CPED1: variants seen among roughly 807,000 people sequenced by gnomAD.
The protein encoded by CPED1 is cadherin like and PC-esterase domain containing 1.
Under a neutral mutation model 128.2 loss-of-function variants are expected in CPED1, and 114 were observed. The ratio of observed to expected loss-of-function variants is 0.89; its 90% CI spans 0.76 to 1.04. CPED1 has a LOEUF of 1.04. Ranked by LOEUF, CPED1 falls within the 50% of genes least tolerant of loss-of-function variation. The probability of loss-of-function intolerance (pLI) is 0.00; values close to 1 mark genes in which losing one functional copy is unlikely to be tolerated. For missense variants in CPED1, 1,211 were observed against 1,207.1 expected (o/e 1.00, Z -0.05); for synonymous variants, 462 against 426.7 (o/e 1.08, Z -1.02).
At chr7:121,014,560 A>C (rs1275477454) in intron 2 of CPED1, among the ~76,000 whole-genome samples, 1 of 146,418 alleles carries the variant, frequency 6.8e-6, no homozygotes, top group Non-Finnish European at 1.5e-5. Context: ...AAAAAAAAAA[A>C]ATAATAATAA....
At chr7:121,134,603 CAA>C (rs537595024) in intron 13 of CPED1, among the ~76,000 whole-genome samples, 1 of 151,990 alleles carries the variant, frequency 6.6e-6, no homozygotes, top group South Asian at 2.1e-4. Context: ...GATCTCATCA[CAA>C]AGAAATGTTA....
chr7:121,122,952 T>G (rs895590945), intron 7 of CPED1, among the ~76,000 whole-genome samples: 2 of 152,240 alleles, frequency 1.3e-5, no homozygotes, highest in Admixed American at 1.3e-4. Context: ...TCAGGTAACA[T>G]TGAAATAGAA....
intron 3 of CPED1, among the ~76,000 whole-genome samples, chr7:121,028,935 C>T (rs1213435125): frequency 6.6e-6 from 1 of 152,068 alleles, no homozygotes; most frequent in African/African-American, 2.4e-5. Flanking sequence ...TTCTAGCTTG[C>T]TTTCTTAGCT....
At chr7:121,214,559 G>T (rs1009267194) in intron 16 of CPED1, among the ~76,000 whole-genome samples, 1 of 152,008 alleles carries the variant, frequency 6.6e-6, no homozygotes, top group African/African-American at 2.4e-5. Flanking sequence ...CTCCCAAAGT[G>T]CTGGGATTAC....
chr7:121,047,674 T>TTCTTCTTCC (rs1793237641), intron 4 of CPED1, among the ~76,000 whole-genome samples: 2 of 13,678 alleles, frequency 1.5e-4, no homozygotes, highest in Non-Finnish European at 1.9e-4. Flanking sequence ...CTTCTTCTTC[T>TTCTTCTTCC]TCTTCTTCTT....
chr7:121,127,191 T>C lies in CPED1; in HGVS notation c.1236T>C (p.Pro412=), dbSNP rs375487281. Reference sequence around the variant, plus strand: ...ATGACACTTTCAATTTTCTCTTCCCTAATGAATCATCACTTTCCATATTTT... The same window carrying C: ...ATGACACTTTCAATTTTCTCTTCCCCAATGAATCATCACTTTCCATATTTT... ...LLNDTFNFLF[P]NESSLSIFSE... Residue 412 remains proline, a synonymous_variant, in exon 10 of 23, where the codon CCT becomes CCC. Coordinates refer to ENST00000310396, the MANE Select transcript of CPED1 (RefSeq NM_024913.5). 2 of 1,594,158 alleles carry C rather than the reference T, an allele frequency of 1.3e-6. No homozygotes were observed. The highest frequency in any genetic ancestry group is 1.3e-5 in the African/African-American group (1 of 74,596).
At position 121,018,625 on chromosome 7, in the gene CPED1, G is replaced by A. The variant is rs377300080; in HGVS notation, c.433+2777G>A. ...TTGATAAAATGTATTTTTCATCCTA[G>A]GACAATAAATATAGAAGGTATTTTC... On this transcript the variant is annotated intron_variant, in intron 3 of 22. Coordinates refer to ENST00000310396, the MANE Select transcript of CPED1 (RefSeq NM_024913.5). 2.0e-5 allele frequency among the ~76,000 whole-genome samples: 3 copies of A among 152,060 alleles called. No individual in the cohort carries two copies. The East Asian group carries it at 5.8e-4, about 29-fold the overall frequency.
At position 121,251,332 on chromosome 7, in the gene CPED1, A is replaced by C. The variant is rs190999365; in HGVS notation, c.2310+6994A>C. Among the ~76,000 whole-genome samples the C allele has an allele frequency of 2.2e-3, 332 of 152,348 alleles. 3 individuals carry two copies. The highest frequency in any genetic ancestry group is 7.7e-3 in the African/African-American group (319 of 41,578). On this transcript the variant is annotated intron_variant, in intron 18 of 22. Coordinates refer to ENST00000310396, the MANE Select transcript of CPED1 (RefSeq NM_024913.5). ...GACGTATCTCAAAACAATAACAGCT[A>C]TCTATGACAAACCCACAGCCAATAT...
rs760375473 is a variant in CPED1, at chr7:121,236,777, A to C, written c.2119A>C (p.Ile707Leu). Residue 707 changes from isoleucine to leucine, a missense_variant, in exon 17 of 23, where the codon ATT becomes CTT. Coordinates refer to ENST00000310396, the MANE Select transcript of CPED1 (RefSeq NM_024913.5). ...CGLQPISSDY[I>L]EAILQSELKR... The stretch of plus-strand genomic sequence containing the variant: ...GTTACAGCCTATTTCTTCTGACTAC[A>C]TTGAAGCCATTTTACAGTCTGAACT... 6.2e-7 allele frequency: 1 copy of C among 1,610,182 alleles called. No homozygotes were observed. The highest frequency in any genetic ancestry group is 8.5e-7 in the Non-Finnish European group (1 of 1,178,388).
At chr7:121,052,643 G>A (rs1793388331) in intron 4 of CPED1, among the ~76,000 whole-genome samples, 1 of 152,128 alleles carries the variant, frequency 6.6e-6, no homozygotes, top group Admixed American at 6.5e-5. Context: ...GGTGAGAAGG[G>A]GGTTATGGGT....
chr7:121,140,069 A>G (rs1795866763), intron 14 of CPED1, among the ~76,000 whole-genome samples: 2 of 152,108 alleles, frequency 1.3e-5, no homozygotes. Flanking sequence ...ACTTAACAGT[A>G]GCTGGTGTAT....
intron 22 of CPED1, among the ~76,000 whole-genome samples, chr7:121,292,553 C>T (rs1370239813): frequency 1.3e-5 from 2 of 152,012 alleles, no homozygotes; most frequent in African/African-American, 4.8e-5. Context: ...CAGTTTTGTT[C>T]CCTTGCTGGC....
At chr7:121,267,728 A>G (rs1792158011) in intron 21 of CPED1, among the ~76,000 whole-genome samples, 1 of 152,032 alleles carries the variant, frequency 6.6e-6, no homozygotes, top group South Asian at 2.1e-4. Flanking sequence ...TAGAAGTCTC[A>G]GAAAAGAAAA....
chr7:121,025,016 G>A (rs1585024508), intron 3 of CPED1, among the ~76,000 whole-genome samples: 1 of 152,212 alleles, frequency 6.6e-6, no homozygotes, highest in East Asian at 1.9e-4. Context: ...TCTAACTATA[G>A]TTCCCAGACT....
At chr7:121,291,506 G>C (rs532065441) in intron 22 of CPED1, among the ~76,000 whole-genome samples, 1 of 152,248 alleles carries the variant, frequency 6.6e-6, no homozygotes, top group African/African-American at 2.4e-5. Flanking sequence ...TCCTTGAAGA[G>C]GTTCTTCATA....
intron 3 of CPED1, among the ~76,000 whole-genome samples, chr7:121,045,323 C>T (rs118006501): frequency 0.013 from 2,033 of 152,244 alleles, 22 homozygotes; most frequent in Non-Finnish European, 0.018. Context: ...CAGAGAAGTT[C>T]TAGGATAAGA....
chr7:121,241,389 A>AAAT (rs1798390983), intron 17 of CPED1, among the ~76,000 whole-genome samples: 2 of 144,048 alleles, frequency 1.4e-5, no homozygotes, highest in East Asian at 2.0e-4. Context: ...AAAAAAAGAA[A>AAAT]TTATAAAACA....
chr7:121,260,238 T>G (rs963269815), intron 18 of CPED1, among the ~76,000 whole-genome samples: 10 of 150,358 alleles, frequency 6.7e-5, no homozygotes, highest in Admixed American at 1.3e-4. Flanking sequence ...TTTTTTTTTT[T>G]TTTTTTTTTT....
Position 121,267,289 on chromosome 7 carries a change from A to T in CPED1, c.2708A>T (p.His903Leu), listed in dbSNP as rs756607568. 2 of 1,581,318 alleles carry T rather than the reference A, an allele frequency of 1.3e-6. No homozygotes were observed. Among genetic ancestry groups the T allele is most frequent in the East Asian group, 4.6e-5 (2 of 43,870 alleles). The stretch of plus-strand genomic sequence containing the variant: ...TTTCATCTGCCAGTGGATGGAGTAC[A>T]TTTCTTAACACAGGTAAGCACATTT... ...IGFHLPVDGVHFLTQSEVQNL... is the reference protein window; with the variant it reads ...IGFHLPVDGVLFLTQSEVQNL... Residue 903 changes from histidine (H) to leucine (L), a missense_variant, in exon 21 of 23, where the codon CAT (histidine) becomes CTT (leucine). Physicochemically the swap from His to Leu is moderately conservative, Grantham distance 99. Coordinates refer to ENST00000310396, the MANE Select transcript of CPED1 (RefSeq NM_024913.5).
Sources: allele counts gnomAD v4.1 joint callset (sites outside exome capture counted in the v4.1 genomes callset), GRCh38; gene constraint gnomAD v4.1.1; transcripts MANE v1.5; gene names NCBI Gene and HGNC (gene_info 2026-07-23, HGNC 2026-07-21).